Variants in ZBTB20 observed in about 807,000 individuals in gnomAD.
ZBTB20 encodes zinc finger and BTB domain-containing protein 20.
Under a neutral mutation model 56.9 loss-of-function variants are expected in ZBTB20, and 9 were observed. That is an observed-to-expected ratio of 0.16 (90% confidence interval 0.10 to 0.28). ZBTB20 has a LOEUF of 0.28. Ranked by LOEUF, ZBTB20 falls within the 10% of genes least tolerant of loss-of-function variation. ZBTB20 has a pLI of 1.00. For synonymous variants in ZBTB20, 417 were observed against 420.7 expected, an observed-to-expected ratio of 0.99 and a Z score of 0.11; for missense variants, 655 against 1,003.0, an observed-to-expected ratio of 0.65 and a Z score of 4.69.
chr3:114,855,230 G>A (rs2075191394), intron 4 of ZBTB20, among the ~76,000 whole-genome samples: 1 of 152,116 alleles, frequency 6.6e-6, no homozygotes, highest in Non-Finnish European at 1.5e-5. Context: ...TTTATCATTT[G>A]TGAACCTTTC....
intron 7 of ZBTB20, among the ~76,000 whole-genome samples, chr3:114,471,354 T>C (rs1333519230): frequency 3.9e-5 from 6 of 152,238 alleles, no homozygotes; most frequent in East Asian, 1.9e-4. Flanking sequence ...AGTGGCATTT[T>C]ACTCCAGAGC....
intron 1 of ZBTB20, among the ~76,000 whole-genome samples, chr3:115,142,696 T>G (rs1215329868): frequency 6.6e-6 from 1 of 151,924 alleles, no homozygotes; most frequent in South Asian, 2.1e-4. Context: ...AAACAATGTA[T>G]TCCATTAGTT....
chr3:114,574,433 C>A (rs1197865235), intron 6 of ZBTB20, among the ~76,000 whole-genome samples: 2 of 152,282 alleles, frequency 1.3e-5, no homozygotes, highest in African/African-American at 4.8e-5. Flanking sequence ...TTTCACTGTA[C>A]CATTACCAGC....
At chr3:114,418,343 G>T (rs2088794760) in intron 7 of ZBTB20, among the ~76,000 whole-genome samples, 1 of 151,964 alleles carries the variant, frequency 6.6e-6, no homozygotes, top group South Asian at 2.1e-4. Context: ...CTTTTCTTCT[G>T]ACATTTGACC....
chr3:114,967,071 C>T (rs752196368), intron 3 of ZBTB20, among the ~76,000 whole-genome samples: 1 of 152,102 alleles, frequency 6.6e-6, no homozygotes, highest in African/African-American at 2.4e-5. Flanking sequence ...TTCTAAAATA[C>T]TTAAAATACA....
At chr3:114,454,211 A>AGAGAGAGAGAG (rs1317410658) in intron 7 of ZBTB20, among the ~76,000 whole-genome samples, 203 of 129,026 alleles carry the variant, frequency 1.6e-3, no homozygotes, top group African/African-American at 2.8e-3. Flanking sequence ...AGAGAGAGAG[A>AGAGAGAGAGAG]AATTGGAGCT....
chr3:114,441,651 T>C (rs2090936225), intron 7 of ZBTB20, among the ~76,000 whole-genome samples: 2 of 152,262 alleles, frequency 1.3e-5, no homozygotes, highest in African/African-American at 2.4e-5. Context: ...AGCTCTGTTG[T>C]ACCACTACAT....
At chr3:114,383,448 C>G (rs538776122) in intron 8 of ZBTB20, among the ~76,000 whole-genome samples, 2 of 152,204 alleles carry the variant, frequency 1.3e-5, no homozygotes, top group Non-Finnish European at 2.9e-5. Flanking sequence ...TAGATTCGCT[C>G]TTGTTTCCTA....
At chr3:114,902,685 G>C (rs1371565075) in intron 3 of ZBTB20, among the ~76,000 whole-genome samples, 1 of 152,072 alleles carries the variant, frequency 6.6e-6, no homozygotes, top group Non-Finnish European at 1.5e-5. Flanking sequence ...AAGTATGAAG[G>C]AATAGTGACC....
Position 114,491,987 on chromosome 3 carries a change from A to C in ZBTB20, c.-255+8365T>G, listed in dbSNP as rs141330925. Among the ~76,000 whole-genome samples the C allele has an allele frequency of 4.4e-3, 672 of 152,356 alleles. 1 individual carries two copies. The highest frequency in any genetic ancestry group is 0.017 in the Middle Eastern group (5 of 294). ...TAGTCTTTAACCTACTTGATTGCTCAGTAACATGTCACATCACTGACCACT... is the reference window on the plus strand; with the variant it reads ...TAGTCTTTAACCTACTTGATTGCTCCGTAACATGTCACATCACTGACCACT... On this transcript the variant is annotated intron_variant, in intron 7 of 11. Coordinates refer to ENST00000675478, the MANE Select transcript of ZBTB20 (RefSeq NM_001348800.3).
At chr3:115,061,731 A>C (rs1328518438) in intron 2 of ZBTB20, among the ~76,000 whole-genome samples, 2 of 152,212 alleles carry the variant, frequency 1.3e-5, no homozygotes, top group African/African-American at 2.4e-5. Context: ...CACACAAGAG[A>C]CCAAAAAAAA....
intron 7 of ZBTB20, among the ~76,000 whole-genome samples, chr3:114,460,594 T>C (rs2092286706): frequency 6.6e-6 from 1 of 152,192 alleles, no homozygotes; most frequent in Admixed American, 6.5e-5. Flanking sequence ...TCCTCCTTTA[T>C]AGCCGCTAAA....
chr3:114,470,204 T>C (rs1246431857), intron 7 of ZBTB20, among the ~76,000 whole-genome samples: 2 of 152,158 alleles, frequency 1.3e-5, no homozygotes, highest in Admixed American at 6.5e-5. Context: ...CAGATTACCC[T>C]ATGTTTCCCT....
At chr3:114,461,171 C>A (rs1197780334) in intron 7 of ZBTB20, among the ~76,000 whole-genome samples, 1 of 152,146 alleles carries the variant, frequency 6.6e-6, no homozygotes, top group African/African-American at 2.4e-5. Flanking sequence ...GAGACCTGAA[C>A]TCATTCAGAA....
rs192183616 is a variant in ZBTB20 at position 115,020,084 on chromosome 3, A to G, written c.-506-45668T>C. 1.3e-3 allele frequency among the ~76,000 whole-genome samples: 200 copies of G among 151,318 alleles called. 2 individuals are homozygous for G. The highest frequency in any genetic ancestry group is 4.7e-3 in the African/African-American group (194 of 41,438). On this transcript the variant is annotated intron_variant, in intron 2 of 11. Transcript: ENST00000675478. ...TCCTCTAAGAGTGGAAGAACAAGACATTCCTGGGCAGCACAACTCTGCGTA... is the reference window on the plus strand; with the variant it reads ...TCCTCTAAGAGTGGAAGAACAAGACGTTCCTGGGCAGCACAACTCTGCGTA...
intron 8 of ZBTB20, among the ~76,000 whole-genome samples, chr3:114,384,045 C>G (rs2084725792): frequency 6.6e-6 from 1 of 151,616 alleles, no homozygotes; most frequent in African/African-American, 2.4e-5. Context: ...GGTCACCATG[C>G]CAAAGGTTGA....
intron 4 of ZBTB20, among the ~76,000 whole-genome samples, chr3:114,841,079 A>T (rs2074364850): frequency 6.6e-6 from 1 of 152,202 alleles, no homozygotes; most frequent in Non-Finnish European, 1.5e-5. Context: ...TTAGGCACTA[A>T]AGACGCAGCC....
chr3:114,498,784 A>C (rs2109625733), intron 7 of ZBTB20, among the ~76,000 whole-genome samples: 1 of 152,354 alleles, frequency 6.6e-6, no homozygotes, highest in East Asian at 1.9e-4. Context: ...CCTATGAGCC[A>C]GAGACAGCCT....
intron 2 of ZBTB20, among the ~76,000 whole-genome samples, chr3:115,024,491 TA>T (rs2080338945): frequency 6.6e-6 from 1 of 151,116 alleles, no homozygotes. Flanking sequence ...TCCTCCTCAT[TA>T]AAACTTACCT....
Sources: gnomAD v4.1 joint callset for allele counts (sites outside exome capture counted in the v4.1 genomes callset) on GRCh38, gnomAD v4.1.1 for gene constraint, MANE v1.5 for transcripts, NCBI Gene and HGNC (gene_info 2026-07-23, HGNC 2026-07-21) for gene names.